Variants in ADAMTS6 observed in about 807,000 individuals in gnomAD.
The protein encoded by ADAMTS6 is ADAM metallopeptidase with thrombospondin type 1 motif 6, also known as A disintegrin and metalloproteinase with thrombospondin motifs 6.
Under a neutral mutation model 144.3 loss-of-function variants are expected in ADAMTS6, and 23 were observed. The observed-to-expected ratio is 0.16, with a 90% CI of 0.11 to 0.23. The LOEUF (loss-of-function observed/expected upper bound fraction) is 0.23. ADAMTS6 is among the 10% of genes least tolerant of loss of function. The pLI, the probability that ADAMTS6 is intolerant of heterozygous loss-of-function variation, is 1.00. For missense variants in ADAMTS6, 999 were observed against 1,379.6 expected, an observed-to-expected ratio of 0.72 and a Z score of 4.37; for synonymous variants, 444 against 457.5, an observed-to-expected ratio of 0.97 and a Z score of 0.38.
chr5:65,210,677 A>C (rs1359443775), intron 20 of ADAMTS6: 1 of 633,018 alleles, frequency 1.6e-6, no homozygotes, highest in African/African-American at 1.8e-5. Flanking sequence ...TATGATTCTG[A>C]AAGCAAATAA....
intron 11 of ADAMTS6, among the ~76,000 whole-genome samples, chr5:65,283,862 G>T (rs987775102): frequency 6.6e-6 from 1 of 152,048 alleles, no homozygotes; most frequent in Non-Finnish European, 1.5e-5. Flanking sequence ...TCTTGGTAGG[G>T]AAGCAGAACA....
intron 7 of ADAMTS6, among the ~76,000 whole-genome samples, chr5:65,366,404 A>G (rs897189678): frequency 6.6e-6 from 1 of 152,206 alleles, no homozygotes; most frequent in African/African-American, 2.4e-5. Flanking sequence ...AATATTTAAT[A>G]TAGAATTCTA....
chr5:65,373,097 T>C (rs560061428), intron 7 of ADAMTS6, among the ~76,000 whole-genome samples: 7,412 of 150,486 alleles, frequency 0.049, 230 homozygotes, highest in East Asian at 0.1. Context: ...CTCTGGGACG[T>C]ATTCAAAGCA....
chr5:65,366,652 T>C (rs1750333373), intron 7 of ADAMTS6, among the ~76,000 whole-genome samples: 1 of 152,242 alleles, frequency 6.6e-6, no homozygotes, highest in Non-Finnish European at 1.5e-5. Flanking sequence ...AAAGCTATCA[T>C]CTTGCTGACC....
chr5:65,297,908 CAT>C (rs1309600902), intron 10 of ADAMTS6, among the ~76,000 whole-genome samples: 43 of 152,066 alleles, frequency 2.8e-4, no homozygotes, highest in African/African-American at 1.0e-3. Context: ...TGAGGATGCA[CAT>C]GAGAAATATT....
chr5:65,441,804 A>G (rs942497704), intron 7 of ADAMTS6, among the ~76,000 whole-genome samples: 1 of 151,486 alleles, frequency 6.6e-6, no homozygotes, highest in Non-Finnish European at 1.5e-5. Context: ...TTGGAACTAA[A>G]TAACACAATT....
chr5:65,286,794 T>G (rs187053183), intron 11 of ADAMTS6, among the ~76,000 whole-genome samples: 86 of 152,330 alleles, frequency 5.6e-4, no homozygotes, highest in African/African-American at 2.0e-3. Context: ...GTCAAAAGAT[T>G]ACCCACAGCC....
chr5:65,178,244 G>A (rs1754104134), intron 22 of ADAMTS6, among the ~76,000 whole-genome samples: 1 of 152,144 alleles, frequency 6.6e-6, no homozygotes, highest in South Asian at 2.1e-4. Context: ...CAATCAGAGG[G>A]AGGAAAAATA....
chr5:65,433,313 A>G (rs1420025205), intron 7 of ADAMTS6, among the ~76,000 whole-genome samples: 1 of 152,144 alleles, frequency 6.6e-6, no homozygotes. Flanking sequence ...CACTGTACCA[A>G]AAACCTCACA....
intron 20 of ADAMTS6, among the ~76,000 whole-genome samples, chr5:65,206,689 G>A (rs1214824356): frequency 5.1e-5 from 5 of 97,488 alleles, no homozygotes; most frequent in African/African-American, 1.8e-4. Flanking sequence ...AACAGAGCCA[G>A]ACTCCATCTC....
At chr5:65,228,354 C>T (rs969530719) in intron 15 of ADAMTS6, among the ~76,000 whole-genome samples, 4 of 152,154 alleles carry the variant, frequency 2.6e-5, no homozygotes, top group African/African-American at 9.7e-5. Flanking sequence ...CCTTAGCCCA[C>T]TATACTAAGT....
chr5:65,188,160 C>T lies in ADAMTS6; in HGVS notation c.2766G>A (p.Arg922=), dbSNP rs1424927746. 6.2e-7 allele frequency: 1 copy of T among 1,613,998 alleles called. No homozygotes were observed. Among genetic ancestry groups the T allele is most frequent in the South Asian group, 1.1e-5 (1 of 91,078 alleles). ...CGATCTTCCTGATGCAGAGCACTGCCCTTGTGCGCATCCCACCATCACAAG... is the reference window on the plus strand; with the variant it reads ...CGATCTTCCTGATGCAGAGCACTGCTCTTGTGCGCATCCCACCATCACAAG... The part of the protein sequence containing the change: ...SKTCDGGMRT[R]AVLCIRKIGP... Residue 922 remains arginine, a synonymous_variant, in exon 22 of 25, where the codon AGG becomes AGA. Coordinates refer to ENST00000381055, the MANE Select transcript of ADAMTS6 (RefSeq NM_197941.4).
At chr5:65,456,351 T>C (rs1448053765) in intron 4 of ADAMTS6, among the ~76,000 whole-genome samples, 2 of 152,166 alleles carry the variant, frequency 1.3e-5, no homozygotes, top group East Asian at 3.8e-4. Flanking sequence ...CATAAACACA[T>C]ACAACACAAT....
chr5:65,302,306 T>TTATTATATACATATACATGTATA (rs1173990732), intron 9 of ADAMTS6, among the ~76,000 whole-genome samples: 1 of 144,810 alleles, frequency 6.9e-6, no homozygotes, highest in African/African-American at 2.5e-5. Flanking sequence ...TAATATATAA[T>TTATTATATACATATACATGTATA]TATTATATAC....
intron 7 of ADAMTS6, among the ~76,000 whole-genome samples, chr5:65,409,614 T>C (rs1238233800): frequency 3.3e-5 from 5 of 152,112 alleles, no homozygotes; most frequent in East Asian, 3.9e-4. Flanking sequence ...TTCCAATCAG[T>C]AGAAAAAGAA....
chr5:65,229,324 C>T (rs1757961580), intron 15 of ADAMTS6, among the ~76,000 whole-genome samples: 1 of 152,142 alleles, frequency 6.6e-6, no homozygotes, highest in South Asian at 2.1e-4. Flanking sequence ...AGACATTTTT[C>T]TCTGGAAGCC....
At chr5:65,182,680 C>A (rs2112145119) in intron 22 of ADAMTS6, among the ~76,000 whole-genome samples, 1 of 152,202 alleles carries the variant, frequency 6.6e-6, no homozygotes, top group Middle Eastern at 3.4e-3. Context: ...GATACATGCA[C>A]AAAGACTAAC....
intron 3 of ADAMTS6, among the ~76,000 whole-genome samples, chr5:65,468,002 T>C (rs1295043143): frequency 2.0e-5 from 3 of 152,026 alleles, no homozygotes; most frequent in Non-Finnish European, 4.4e-5. Flanking sequence ...AATCACTTGA[T>C]AAAGAAACGA....
intron 1 of ADAMTS6, among the ~76,000 whole-genome samples, chr5:65,475,957 C>A (rs1045679091): frequency 2.0e-5 from 3 of 152,132 alleles, no homozygotes; most frequent in Non-Finnish European, 4.4e-5. Flanking sequence ...ATATCCATTC[C>A]CTTGCTCCCC....
Sources: allele counts gnomAD v4.1 joint callset (sites outside exome capture counted in the v4.1 genomes callset), GRCh38; gene constraint gnomAD v4.1.1; transcripts MANE v1.5; gene names NCBI Gene and HGNC (gene_info 2026-07-23, HGNC 2026-07-21).